ABI2: variants seen among roughly 807,000 people sequenced by gnomAD.
ABI2 encodes abelson interactor 2.
A neutral mutation model predicts 59.2 loss-of-function variants in ABI2; 25 were observed. The ratio of observed to expected loss-of-function variants is 0.42; its 90% confidence interval spans 0.31 to 0.59. The LOEUF (loss-of-function observed/expected upper bound fraction) is 0.59, where lower values mean the gene tolerates loss of function less well. Among genes scored for constraint, ABI2 ranks in the 20% least tolerant of loss-of-function variants. The probability of loss-of-function intolerance (pLI) is 0.14; values close to 1 mark genes in which losing one functional copy is unlikely to be tolerated. For synonymous variants in ABI2, 213 were observed against 235.5 expected (o/e 0.90, Z 0.87); for missense variants, 545 against 681.8 (o/e 0.80, Z 2.23).
At chr2:203,387,604 T>TA (rs1430251658) in intron 4 of ABI2, among the ~76,000 whole-genome samples, 1 of 152,212 alleles carries the variant, frequency 6.6e-6, no homozygotes, top group African/African-American at 2.4e-5. Flanking sequence ...TTGTACCTAA[T>TA]ACCTGCTTCA....
chr2:203,415,614 C>G, intron 10 of ABI2, among the ~76,000 whole-genome samples: 1 of 76,908 alleles, frequency 1.3e-5, no homozygotes, highest in East Asian at 4.5e-4. Flanking sequence ...GAGACTCCGT[C>G]TCAAAAAAAA....
At chr2:203,351,707 C>T (rs1486412549) in intron 1 of ABI2, 9 of 301,050 alleles carry the variant, frequency 3.0e-5, no homozygotes, top group Non-Finnish European at 3.9e-5. Flanking sequence ...GGCTGATTTT[C>T]GTATTTTTTG....
intron 1 of ABI2, among the ~76,000 whole-genome samples, chr2:203,350,862 TTGTGTGTGTG>T (rs200198424): frequency 8.0e-5 from 11 of 137,808 alleles, no homozygotes; most frequent in African/African-American, 2.1e-4. Context: ...GTTGTGTGTT[TTGTGTGTGTG>T]TGTGTGTGTG....
intron 3 of ABI2, 74 bp from the exon 4 acceptor site, chr2:203,382,115 C>A: frequency 7.8e-7 from 1 of 1,281,968 alleles, no homozygotes; most frequent in Non-Finnish European, 1.1e-6. Context: ...TTTCTCTTCA[C>A]ATCCTGAAGT....
chr2:203,367,675 A>G (rs1473644645), intron 2 of ABI2, among the ~76,000 whole-genome samples: 2 of 152,260 alleles, frequency 1.3e-5, no homozygotes, highest in East Asian at 3.9e-4. Flanking sequence ...ATATTTTGGT[A>G]TATCTCCTTG....
rs71408936 is a variant in ABI2 at position 203,429,753 on chromosome 2, C to CA, written c.*2418dup. 94,107 of 130,324 alleles carry CA rather than the reference C, an allele frequency of 0.72. 34,514 individuals carry two copies. Among genetic ancestry groups the CA allele is most frequent in the Middle Eastern group, 0.84 (217 of 258 alleles). The allele number at this position is 130,324 out of a possible 1,614,324, so 8.1% of individuals were successfully genotyped here. The stretch of plus-strand genomic sequence containing the variant: ...GCCTGGTGACAGAGCGAGACTCCAT[C>CA]AAAAAAAAAAAAAAAAAGTTCCCAC... On this transcript the variant is annotated 3_prime_UTR_variant, in exon 12 of 12. Coordinates refer to ENST00000261018, the MANE Select transcript of ABI2 (RefSeq NM_001375670.1).
At chr2:203,362,304 G>A (rs941528419) in intron 1 of ABI2, among the ~76,000 whole-genome samples, 1 of 152,114 alleles carries the variant, frequency 6.6e-6, no homozygotes, top group Non-Finnish European at 1.5e-5. Context: ...AATATATAAT[G>A]TTAGATAAAA....
rs752729253 is a variant in ABI2, at chr2:203,416,991, T to G, written c.1363T>G (p.Tyr455Asp). The G allele has an allele frequency of 3.1e-6, 5 of 1,614,076 alleles. No individual in the cohort carries two copies. The South Asian group carries it at 5.5e-5, about 18-fold the overall frequency. Residue 455 changes from tyrosine (Y) to aspartate (D), a missense_variant, in exon 11 of 12, where the codon TAC (tyrosine) becomes GAC (aspartate). Tyr to Asp is a radical substitution (Grantham distance 160, BLOSUM62 -3). This residue lies in a region of ABI2 where 410 missense variants were observed against 435.6 expected (regional missense o/e 0.94). Coordinates refer to ENST00000261018, the MANE Select transcript of ABI2 (RefSeq NM_001375670.1). Reference protein sequence around the residue: ...SPPPPPPPEDYEEEEAAVVEY... With the variant: ...SPPPPPPPEDDEEEEAAVVEY... ...CCCACCTCCTCCTCCTCCAGAAGAT[T>G]ACGAAGAGGAGGAAGCTGCTGTGGT... is the stretch of plus-strand genomic sequence containing the variant.
intron 2 of ABI2, among the ~76,000 whole-genome samples, chr2:203,378,174 A>T (rs35071165): frequency 0.21 from 31,123 of 149,344 alleles, 3,664 homozygotes; most frequent in Non-Finnish European, 0.26. Flanking sequence ...GTGCAGTGGC[A>T]CAATCTCGGC....
At chr2:203,407,001 C>G (rs2097454060) in intron 9 of ABI2, among the ~76,000 whole-genome samples, 1 of 152,146 alleles carries the variant, frequency 6.6e-6, no homozygotes, top group South Asian at 2.1e-4. Flanking sequence ...ATACCACATC[C>G]TTTTCTTTTT....
At chr2:203,362,942 T>A (rs369489569) in intron 1 of ABI2, among the ~76,000 whole-genome samples, 3 of 152,196 alleles carry the variant, frequency 2.0e-5, no homozygotes, top group African/African-American at 7.2e-5. Flanking sequence ...GTGATTCTCC[T>A]GCCTCAGCCT....
chr2:203,328,658 G>C, intron 1 of ABI2, 27 bp downstream of exon 1: 1 of 1,482,738 alleles, frequency 6.7e-7, no homozygotes, highest in Non-Finnish European at 9.0e-7. Context: ...GCTGGGCCGC[G>C]TCGGGGACCC....
chr2:203,336,633 G>A (rs927528062), intron 1 of ABI2, among the ~76,000 whole-genome samples: 1 of 152,184 alleles, frequency 6.6e-6, no homozygotes, highest in Admixed American at 6.5e-5. Flanking sequence ...CTCCGCAACA[G>A]AGTGTCATAT....
intron 1 of ABI2, among the ~76,000 whole-genome samples, chr2:203,341,358 C>T (rs1013602999): frequency 6.6e-5 from 10 of 152,166 alleles, no homozygotes; most frequent in East Asian, 5.8e-4. Context: ...CGTAAATATT[C>T]GCTAAATGAG....
At chr2:203,389,183 T>TA (rs1316261106) in intron 4 of ABI2, among the ~76,000 whole-genome samples, 1 of 152,212 alleles carries the variant, frequency 6.6e-6, no homozygotes, top group Non-Finnish European at 1.5e-5. Context: ...CATTTTAAGA[T>TA]ACAAGTAGTA....
At chr2:203,341,331 G>A (rs907754638) in intron 1 of ABI2, among the ~76,000 whole-genome samples, 1 of 152,130 alleles carries the variant, frequency 6.6e-6, no homozygotes, top group African/African-American at 2.4e-5. Context: ...ACAGTGCCTG[G>A]CACAAAATAG....
Position 203,431,397 on chromosome 2 carries a change from G to A in ABI2, c.*4045G>A, listed in dbSNP as rs2098482334. The A allele has an allele frequency of 6.6e-6, 1 of 152,606 alleles. No homozygotes were observed. The highest frequency in any genetic ancestry group is 1.5e-5 in the Non-Finnish European group (1 of 68,024). The allele number at this position is 152,606 out of a possible 1,614,324, so 9.5% of individuals were successfully genotyped here. A position where few individuals can be genotyped will look rare whatever the true frequency, so the allele number is the denominator to read the frequency against. On this transcript the variant is annotated 3_prime_UTR_variant, in exon 12 of 12. Coordinates refer to ENST00000261018, the MANE Select transcript of ABI2 (RefSeq NM_001375670.1). Reference sequence around the variant, plus strand: ...GTGTTTTCAGGAATATACGTGAAAAGACATGCCATGTTTTGGTAAATACCA... The same window carrying A: ...GTGTTTTCAGGAATATACGTGAAAAAACATGCCATGTTTTGGTAAATACCA...
rs2096731347 is a variant in ABI2, at chr2:203,391,248, T to G, written c.578+105T>G. 9.1e-6 allele frequency: 7 copies of G among 771,198 alleles called. No individual in the cohort carries two copies. In the Admixed American group the frequency reaches 2.5e-4, roughly 28 times the overall value. 47.8% of individuals were successfully genotyped at this position (771,198 alleles called of 1,614,324 possible). Reference sequence around the variant, plus strand: ...TTGAATATTTGAAGAGAGAACATTTTCTTTGTAGGATTGTTGTTTGTGTGT... The same window carrying G: ...TTGAATATTTGAAGAGAGAACATTTGCTTTGTAGGATTGTTGTTTGTGTGT... On this transcript the variant is annotated intron_variant, in intron 5 of 11. Transcript: ENST00000261018.
intron 10 of ABI2, among the ~76,000 whole-genome samples, chr2:203,412,185 A>G (rs1007406270): frequency 3.3e-5 from 5 of 152,174 alleles, no homozygotes; most frequent in Non-Finnish European, 7.3e-5. Flanking sequence ...AATATTTGCA[A>G]TCTGTGGCTT....
Sources: gnomAD v4.1 joint callset for allele counts (sites outside exome capture counted in the v4.1 genomes callset) on GRCh38, gnomAD v4.1.1 for gene constraint, gnomAD v4.1.1 regional missense constraint, MANE v1.5 for transcripts, NCBI Gene and HGNC (gene_info 2026-07-23, HGNC 2026-07-21) for gene names.